DNM1: variants seen among roughly 807,000 people sequenced by gnomAD.
The protein encoded by DNM1 is dynamin 1.
DNM1 carries 29 observed loss-of-function variants against 104.6 expected under a neutral mutation model. That is an observed-to-expected ratio of 0.28 (90% confidence interval 0.21 to 0.38). The LOEUF (loss-of-function observed/expected upper bound fraction) is 0.38. Among genes scored for constraint, DNM1 ranks in the 10% least tolerant of loss-of-function variants. The probability of loss-of-function intolerance (pLI) is 1.00; values close to 1 mark genes in which losing one functional copy is unlikely to be tolerated. For missense variants in DNM1, 640 were observed against 1,189.4 expected (o/e 0.54, Z 6.79); for synonymous variants, 445 against 475.8 (o/e 0.94, Z 0.84).
At chr9:128,226,246 G>A (rs1835335384) in intron 10 of DNM1, 1 of 1,590,700 alleles carries the variant, frequency 6.3e-7, no homozygotes, top group Admixed American at 1.8e-5. Flanking sequence ...GTGGGCAGAA[G>A]GATCTGCTGA....
chr9:128,231,900 C>T (rs3003578), intron 10 of DNM1: 209,358 of 410,912 alleles, frequency 0.51, 57,706 homozygotes, highest in Admixed American at 0.66. Context: ...GCTCCAGGGG[C>T]TGTGTCCCTG....
chr9:128,247,235 G>A lies in DNM1; in HGVS notation c.1782-140G>A, dbSNP rs1836884056. The A allele has an allele frequency of 1.8e-6, 1 of 563,046 alleles. No homozygotes were observed. The highest frequency in any genetic ancestry group is 2.4e-5 in the South Asian group (1 of 41,648). 34.9% of individuals were successfully genotyped at this position (563,046 alleles called of 1,614,324 possible). ...CCCAGTGAGGAAACTGAGGCTGAGA[G>A]GAAGGGACTTGCACAGGGTCACACA... On this transcript the variant is annotated intron_variant, in intron 16 of 21. Transcript: ENST00000372923. The surrounding 1 kb of genome is among the most constrained non-coding windows in gnomAD (Gnocchi z 5.1).
At chr9:128,229,232 A>AT (rs199839499) in intron 10 of DNM1, among the ~76,000 whole-genome samples, 54 of 149,362 alleles carry the variant, frequency 3.6e-4, no homozygotes, top group Non-Finnish European at 5.1e-4. Context: ...TCTCTACAAA[A>AT]TTTTTTTTTT....
intron 1 of DNM1, among the ~76,000 whole-genome samples, chr9:128,211,819 T>C (rs1834319962): frequency 6.6e-6 from 1 of 152,208 alleles, no homozygotes. Context: ...GGGCTTTGTT[T>C]TCTCCCAGAT....
At chr9:128,221,643 C>A (rs1331363091) in intron 6 of DNM1, among the ~76,000 whole-genome samples, 2 of 152,144 alleles carry the variant, frequency 1.3e-5, no homozygotes, top group African/African-American at 4.8e-5. Flanking sequence ...TGCCTGTAAT[C>A]CCACCACTTT....
Position 128,230,954 on chromosome 9 carries a change from C to T in DNM1, c.1336-3067C>T, listed in dbSNP as rs557248286. On this transcript the variant is annotated intron_variant, in intron 10 of 21. Transcript: ENST00000372923. Reference sequence around the variant, plus strand: ...AGTAGCTGTGATTAAAGGCATGTGCCACCACACCCAGCTAATTTTTGTATT... The same window carrying T: ...AGTAGCTGTGATTAAAGGCATGTGCTACCACACCCAGCTAATTTTTGTATT... Among the ~76,000 whole-genome samples, 56 of 152,104 alleles carry T rather than the reference C, an allele frequency of 3.7e-4. 1 individual carries two copies. Among genetic ancestry groups the T allele is most frequent in the Middle Eastern group, 6.9e-3 (2 of 290 alleles).
rs1432016891 is a variant in DNM1, at chr9:128,252,978, G to A, written c.2535-1676G>A. 1.2e-5 allele frequency: 11 copies of A among 886,930 alleles called. No individual in the cohort carries two copies. In the Admixed American group the frequency reaches 2.0e-4, roughly 16 times the overall value. 54.9% of individuals were successfully genotyped at this position (886,930 alleles called of 1,614,324 possible). A position where few individuals can be genotyped will look rare whatever the true frequency, so the allele number is the denominator to read the frequency against. Reference sequence around the variant, plus strand: ...GGCATGTGTGTTAGCGTGTGCATGTGGGCCATGGGGCCTCACAGCATGTGT... The same window carrying A: ...GGCATGTGTGTTAGCGTGTGCATGTAGGCCATGGGGCCTCACAGCATGTGT... On this transcript the variant is annotated intron_variant, in intron 21 of 21. Transcript: ENST00000372923.
rs779878785 is a variant in DNM1 at position 128,247,914 on chromosome 9, G to GGCC, written c.1894-9_1894-7dup. 6.2e-7 allele frequency: 1 copy of GGCC among 1,613,522 alleles called. No individual in the cohort carries two copies. The highest frequency in any genetic ancestry group is 8.5e-7 in the Non-Finnish European group (1 of 1,179,682). Reference sequence around the variant, plus strand: ...GCGGCGGTGGCAATGTTGGTGTGTGGGCCTCCCAGGACAAAGAGAAAGTGA... The same window carrying GGCC: ...GCGGCGGTGGCAATGTTGGTGTGTGGGCCGCCTCCCAGGACAAAGAGAAAGTGA... On this transcript the variant is annotated splice_polypyrimidine_tract_variant and intron_variant, in intron 17 of 21. Transcript: ENST00000372923. The surrounding 1 kb of genome is among the most constrained non-coding windows in gnomAD (Gnocchi z 5.1).
At position 128,254,538 on chromosome 9, in the gene DNM1, G is replaced by T; in HGVS notation, c.2535-116G>T. 1 of 1,333,322 alleles carries T rather than the reference G, an allele frequency of 7.5e-7. No homozygotes were observed. Among genetic ancestry groups the T allele is most frequent in the East Asian group, 3.9e-5 (1 of 25,364 alleles). The allele number at this position is 1,333,322 out of a possible 1,614,324, so 82.6% of individuals were successfully genotyped here. ...CCCACACCTGCAGCCTCCCCTCCCC[G>T]GCCCTCCCACCACTGCTGCGGCGCG... On this transcript the variant is annotated intron_variant, in intron 21 of 21. Coordinates refer to ENST00000372923, the MANE Select transcript of DNM1 (RefSeq NM_004408.4). This position sits in a 1 kb window ranked among gnomAD's most constrained non-coding sequence, Gnocchi z 6.1.
At chr9:128,214,168 G>A (rs913907764) in intron 1 of DNM1, among the ~76,000 whole-genome samples, 14 of 151,970 alleles carry the variant, frequency 9.2e-5, no homozygotes, top group Non-Finnish European at 1.5e-4. Flanking sequence ...CTCTCTCCCC[G>A]CTGCCTCTTC....
At position 128,220,742 on chromosome 9, in the gene DNM1, C is replaced by CGCGCGCGCGTGTGTGTGTGTGT. The variant is rs61020870; in HGVS notation, c.849+402_849+403insCGCGCGCGTGTGTGTGTGTGTG. On this transcript the variant is annotated intron_variant, in intron 6 of 21. Coordinates refer to ENST00000372923, the MANE Select transcript of DNM1 (RefSeq NM_004408.4). This position sits in a 1 kb window ranked among gnomAD's most constrained non-coding sequence, Gnocchi z 5.2. The stretch of plus-strand genomic sequence containing the variant: ...CAGAACTGAAGTGCGCGCGCGCGCG[C>CGCGCGCGCGTGTGTGTGTGTGT]GTGTGTGTGTGTGTGTGTGTGTGTG... Among the ~76,000 whole-genome samples, 64 of 136,358 alleles carry CGCGCGCGCGTGTGTGTGTGTGT rather than the reference C, an allele frequency of 4.7e-4. No individual in the cohort carries two copies. Among genetic ancestry groups the CGCGCGCGCGTGTGTGTGTGTGT allele is most frequent in the African/African-American group, 1.6e-3 (59 of 37,804 alleles). The allele number at this position is 136,358 out of a possible 152,430, so 89.5% of individuals were successfully genotyped here. A position where few individuals can be genotyped will look rare whatever the true frequency, so the allele number is the denominator to read the frequency against.
At chr9:128,227,892 C>T (rs1190698997) in intron 10 of DNM1, among the ~76,000 whole-genome samples, 2 of 151,944 alleles carry the variant, frequency 1.3e-5, no homozygotes, top group Non-Finnish European at 2.9e-5. Context: ...TGCTGTATCT[C>T]CCAGCATGGA....
intron 12 of DNM1, 27 bp downstream of exon 12, chr9:128,239,542 A>G: frequency 6.3e-7 from 1 of 1,592,474 alleles, no homozygotes; most frequent in Non-Finnish European, 8.6e-7. Context: ...GCAAAAAGTG[A>G]GTGCTCCCTG....
chr9:128,251,784 G>T, intron 21 of DNM1: 1 of 153,028 alleles, frequency 6.5e-6, no homozygotes, highest in Non-Finnish European at 1.5e-5. Flanking sequence ...TGACCTTCTT[G>T]ACCCATGACT....
Position 128,220,129 on chromosome 9 carries a change from A to G in DNM1, c.688+43A>G, listed in dbSNP as rs1177153935. On this transcript the variant is annotated intron_variant, in intron 5 of 21. Coordinates refer to ENST00000372923, the MANE Select transcript of DNM1 (RefSeq NM_004408.4). This position sits in a 1 kb window ranked among gnomAD's most constrained non-coding sequence, Gnocchi z 5.2. Reference sequence around the variant, plus strand: ...CTCAACCACTCCCCAGCCCTTCCCCACCCTTCCCCTCCTCTTGAGGCTGGT... The same window carrying G: ...CTCAACCACTCCCCAGCCCTTCCCCGCCCTTCCCCTCCTCTTGAGGCTGGT... 1.2e-6 allele frequency: 2 copies of G among 1,610,630 alleles called. No homozygotes were observed. The highest frequency in any genetic ancestry group is 1.3e-5 in the African/African-American group (1 of 74,716).
At chr9:128,225,685 A>G (rs1835297839) in intron 10 of DNM1, among the ~76,000 whole-genome samples, 1 of 152,108 alleles carries the variant, frequency 6.6e-6, no homozygotes, top group Non-Finnish European at 1.5e-5. Context: ...AGCCTCAGTG[A>G]GGCCGAGGAG....
At chr9:128,215,057 G>A (rs2131133296) in intron 1 of DNM1, among the ~76,000 whole-genome samples, 1 of 152,362 alleles carries the variant, frequency 6.6e-6, no homozygotes, top group African/African-American at 2.4e-5. Flanking sequence ...ACTACGTGCG[G>A]GGCCTGTGCC....
Position 128,254,594 on chromosome 9 carries a change from TAC to T in DNM1, c.2535-59_2535-58del. On this transcript the variant is annotated intron_variant, in intron 21 of 21. Transcript: ENST00000372923. This position sits in a 1 kb window ranked among gnomAD's most constrained non-coding sequence, Gnocchi z 6.1. Reference sequence around the variant, plus strand: ...CCCCGGCCGTGTGCTGCGCTTGCCTTACCAGCTCTCTCCTCGCTTTTCTCTCC... The same window carrying T: ...CCCCGGCCGTGTGCTGCGCTTGCCTTCAGCTCTCTCCTCGCTTTTCTCTCC... 1 of 1,594,142 alleles carries T rather than the reference TAC, an allele frequency of 6.3e-7. No individual in the cohort carries two copies. The highest frequency in any genetic ancestry group is 8.5e-7 in the Non-Finnish European group (1 of 1,178,252).
At chr9:128,205,989 T>A (rs3003603) in intron 1 of DNM1, among the ~76,000 whole-genome samples, 126,997 of 152,100 alleles carry the variant, frequency 0.83, 54,455 homozygotes, top group Non-Finnish European at 0.94. Flanking sequence ...GGGGCTTAGG[T>A]TGATGTGAAG....
Sources: gnomAD v4.1 joint callset for allele counts (sites outside exome capture counted in the v4.1 genomes callset) on GRCh38, gnomAD v4.1.1 for gene constraint, Gnocchi (gnomAD v3.1) non-coding constraint, MANE v1.5 for transcripts, NCBI Gene and HGNC (gene_info 2026-07-23, HGNC 2026-07-21) for gene names.